Variants in KIF4B observed in about 807,000 individuals in gnomAD.
KIF4B encodes the protein kinesin family member 4B.
KIF4B carries 60 observed loss-of-function variants against 69.0 expected under a neutral mutation model. That is an observed-to-expected ratio of 0.87 (90% CI 0.71 to 1.08). The LOEUF (loss-of-function observed/expected upper bound fraction) is 1.08, where lower values mean the gene tolerates loss of function less well. Among genes scored for constraint, KIF4B ranks in the 50% least tolerant of loss-of-function variants. The probability of loss-of-function intolerance (pLI) is 0.00; values close to 1 mark genes in which losing one functional copy is unlikely to be tolerated. For synonymous variants in KIF4B, 489 were observed against 533.0 expected, an observed-to-expected ratio of 0.92 and a Z score of 1.14; for missense variants, 1,357 against 1,451.9, an observed-to-expected ratio of 0.93 and a Z score of 1.06.
Position 155,017,247 on chromosome 5 carries a change from G to A in KIF4B, c.3388G>A (p.Gly1130Ser). 1 of 1,614,162 alleles carries A rather than the reference G, an allele frequency of 6.2e-7. No individual in the cohort carries two copies. Among genetic ancestry groups the A allele is most frequent in the Non-Finnish European group, 8.5e-7 (1 of 1,180,028 alleles). The change falls in exon 1 of 1, where the codon GGC becomes AGC. Residue 1130 changes from glycine (G) to serine (S), a missense_variant. Gly to Ser is a moderately conservative substitution (Grantham distance 56). Transcript: ENST00000435029. ...CCGCCAGCAAGGCAAGGATAGCTTG[G>A]GCACTGTTGAACAGACCCAGGATTC... ...RNRQQGKDSL[G>S]TVEQTQDSEG...
Position 155,017,460 on chromosome 5 carries a change from G to A in KIF4B, c.3601G>A (p.Glu1201Lys). The A allele has an allele frequency of 6.2e-7, 1 of 1,614,134 alleles. No homozygotes were observed. Among genetic ancestry groups the A allele is most frequent in the Non-Finnish European group, 8.5e-7 (1 of 1,180,014 alleles). The change falls in exon 1 of 1, where the codon GAA (glutamate) becomes AAA (lysine). Residue 1201 changes from glutamate to lysine, a missense_variant. Transcript: ENST00000435029. ...CCCAGAGTCGAAACATGGAGCAACA[G>A]AATACCAACAAAATAAGCCTCCAGG... ...DLPESKHGAT[E>K]YQQNKPPGKK...
rs753391654 is a variant in KIF4B, at chr5:155,014,626, G to C, written c.767G>C (p.Arg256Pro). Residue 256 changes from arginine to proline, a missense_variant, in exon 1 of 1, where the codon CGT becomes CCT. By Grantham distance (103) the Arg-to-Pro change is moderately radical. Transcript: ENST00000435029. ...RQKKTKAEGD[R>P]LKEGININRG... is the part of the protein sequence containing the mutation. ...AAGAAAACCAAGGCTGAAGGGGATC[G>C]TCTAAAAGAGGGTATTAATATTAAC... The C allele has an allele frequency of 1.9e-6, 3 of 1,614,152 alleles. No individual in the cohort carries two copies. Among genetic ancestry groups the C allele is most frequent in the Non-Finnish European group, 2.5e-6 (3 of 1,180,032 alleles).
chr5:155,015,410 C>T lies in KIF4B; in HGVS notation c.1551C>T (p.Leu517=). ...ACGCTTTTACCACTCAGCATGCTCT[C>T]CATCAAGCTCAGATGTCTAAGGAGG... ...SSDAFTTQHA[L]HQAQMSKEVV... The change falls in exon 1 of 1, where the codon CTC becomes CTT. Residue 517 remains leucine, a synonymous_variant. Coordinates refer to ENST00000435029, the MANE Select transcript of KIF4B (RefSeq NM_001099293.3). The T allele has an allele frequency of 6.2e-7, 1 of 1,614,190 alleles. No individual in the cohort carries two copies. Among genetic ancestry groups the T allele is most frequent in the South Asian group, 1.1e-5 (1 of 91,080 alleles).
At position 155,017,588 on chromosome 5, in the gene KIF4B, C is replaced by G. The variant is rs552741840; in HGVS notation, c.*24C>G. The G allele has an allele frequency of 2.0e-5, 32 of 1,601,346 alleles. 1 individual carries two copies. In the South Asian group the frequency reaches 2.8e-4, roughly 14 times the overall value. On this transcript the variant is annotated 3_prime_UTR_variant, in exon 1 of 1. Transcript: ENST00000435029. ...GAAGTTGGAGTCATCATCTCTACCC[C>G]CAATCTGGCTTGGGAGATGCTTTCC... is the stretch of plus-strand genomic sequence containing the variant.
At position 155,016,318 on chromosome 5, in the gene KIF4B, T is replaced by C. The variant is rs1329906341; in HGVS notation, c.2459T>C (p.Ile820Thr). The change falls in exon 1 of 1, where the codon ATT (isoleucine) becomes ACT (threonine). Residue 820 changes from isoleucine to threonine, a missense_variant. Physicochemically the swap from Ile to Thr is moderately conservative, Grantham distance 89 (BLOSUM62 -1). Coordinates refer to ENST00000435029, the MANE Select transcript of KIF4B (RefSeq NM_001099293.3). ...LESEDCITKQ[I>T]ESLETEMELR... The stretch of plus-strand genomic sequence containing the variant: ...TCAGAAGATTGTATTACAAAACAGA[T>C]TGAAAGCCTAGAGACTGAAATGGAA... The C allele has an allele frequency of 3.1e-6, 5 of 1,614,142 alleles. No homozygotes were observed. The highest frequency in any genetic ancestry group is 1.7e-6 in the Non-Finnish European group (2 of 1,180,014).
In KIF4B at chr5:155,016,131, G is replaced by T. The variant is rs748797878; in HGVS notation, c.2272G>T (p.Glu758Ter). ...GNEIEVMVST[E>*]EAKRHLNDLL... ...TGAAATTGAGGTTATGGTCAGTACTGAGGAAGCCAAACGCCATCTGAATGA... is the reference window on the plus strand; with the variant it reads ...TGAAATTGAGGTTATGGTCAGTACTTAGGAAGCCAAACGCCATCTGAATGA... The change falls in exon 1 of 1, where the codon GAG becomes TAG. Residue 758 changes from glutamate (E) to a stop codon, truncating the protein, a stop_gained. Transcript: ENST00000435029. LOFTEE classifies it high-confidence loss of function. 1 of 1,614,212 alleles carries T rather than the reference G, an allele frequency of 6.2e-7. No individual in the cohort carries two copies. The highest frequency in any genetic ancestry group is 1.3e-5 in the African/African-American group (1 of 75,052).
In KIF4B at chr5:155,016,550, C is replaced by CAGAGCAA. The variant is rs367797400; in HGVS notation, c.2692_2693insGAGCAAA (p.Met898ArgfsTer9). ...GACAGAGCAAGGCCAGCTGTGCTGA[C>CAGAGCAA]ATGCAGAAGATGCTATTTGAGGAAC... On this transcript the variant is annotated frameshift_variant, in exon 1 of 1. Coordinates refer to ENST00000435029, the MANE Select transcript of KIF4B (RefSeq NM_001099293.3). LOFTEE classifies it high-confidence loss of function. 42 of 1,614,064 alleles carry CAGAGCAA rather than the reference C, an allele frequency of 2.6e-5. No individual in the cohort carries two copies. In the African/African-American group the frequency reaches 4.4e-4, roughly 17 times the overall value.
rs1294789419 is a variant in KIF4B at position 155,015,896 on chromosome 5, C to A, written c.2037C>A (p.Asp679Glu). 6.2e-7 allele frequency: 1 copy of A among 1,614,190 alleles called. No homozygotes were observed. The highest frequency in any genetic ancestry group is 2.2e-5 in the East Asian group (1 of 44,884). The change falls in exon 1 of 1, where the codon GAC becomes GAA. Residue 679 changes from aspartate (D) to glutamate (E), a missense_variant. Transcript: ENST00000435029. Reference sequence around the variant, plus strand: ...AAGTAATACAGTTGAAAGAACGAGACCGTAAGAGGCAATATGAGCTGCTCA... The same window carrying A: ...AAGTAATACAGTTGAAAGAACGAGAACGTAAGAGGCAATATGAGCTGCTCA... ...DKEVIQLKER[D>E]RKRQYELLKL...
In KIF4B at chr5:155,016,002, A is replaced by G; in HGVS notation, c.2143A>G (p.Lys715Glu). The change falls in exon 1 of 1, where the codon AAG becomes GAG. Residue 715 changes from lysine (K) to glutamate (E), a missense_variant. Physicochemically the swap from Lys to Glu is moderately conservative, Grantham distance 56 (BLOSUM62 1). Transcript: ENST00000435029. ...EEAAAANKRL[K>E]DALQKQREVT... Reference sequence around the variant, plus strand: ...GGCAGCAGCTGCCAACAAGCGACTCAAGGATGCTCTCCAGAAACAACGAGA... The same window carrying G: ...GGCAGCAGCTGCCAACAAGCGACTCGAGGATGCTCTCCAGAAACAACGAGA... The G allele has an allele frequency of 6.2e-7, 1 of 1,614,238 alleles. No individual in the cohort carries two copies. The highest frequency in any genetic ancestry group is 1.3e-5 in the African/African-American group (1 of 75,062).
At position 155,015,178 on chromosome 5, in the gene KIF4B, A is replaced by C; in HGVS notation, c.1319A>C (p.His440Pro). The C allele has an allele frequency of 1.9e-6, 3 of 1,614,250 alleles. No individual in the cohort carries two copies. Among genetic ancestry groups the C allele is most frequent in the East Asian group, 2.2e-5 (1 of 44,882 alleles). The change falls in exon 1 of 1, where the codon CAT becomes CCT. Residue 440 changes from histidine (H) to proline (P), a missense_variant. Coordinates refer to ENST00000435029, the MANE Select transcript of KIF4B (RefSeq NM_001099293.3). ...LNAKLEELRQ[H>P]VACKLDLQKL... Reference sequence around the variant, plus strand: ...GCCAAGCTAGAAGAGCTCAGGCAGCATGTGGCCTGCAAGCTGGATCTTCAA... The same window carrying C: ...GCCAAGCTAGAAGAGCTCAGGCAGCCTGTGGCCTGCAAGCTGGATCTTCAA...
rs1765354375 is a variant in KIF4B at position 155,017,673 on chromosome 5, GA to G, written c.*116del. 2.0e-5 allele frequency: 29 copies of G among 1,457,182 alleles called. No individual in the cohort carries two copies. The highest frequency in any genetic ancestry group is 2.1e-5 in the Non-Finnish European group (23 of 1,103,952). 90.3% of individuals were successfully genotyped at this position (1,457,182 alleles called of 1,614,324 possible). The stretch of plus-strand genomic sequence containing the variant: ...TCTGGATTTCAGGTTTCTTGCCGTT[GA>G]AAAAAAGGAACAAAGCATTACTAAA... On this transcript the variant is annotated 3_prime_UTR_variant, in exon 1 of 1. Transcript: ENST00000435029.
rs1352558181 is a variant in KIF4B at position 155,016,138 on chromosome 5, C to G, written c.2279C>G (p.Ala760Gly). Residue 760 changes from alanine to glycine, a missense_variant, in exon 1 of 1, where the codon GCC (alanine) becomes GGC (glycine). Physicochemically the swap from Ala to Gly is moderately conservative, Grantham distance 60 (BLOSUM62 0). Transcript: ENST00000435029. ...EIEVMVSTEE[A>G]KRHLNDLLED... Reference sequence around the variant, plus strand: ...GAGGTTATGGTCAGTACTGAGGAAGCCAAACGCCATCTGAATGACCTCCTT... The same window carrying G: ...GAGGTTATGGTCAGTACTGAGGAAGGCAAACGCCATCTGAATGACCTCCTT... The G allele has an allele frequency of 1.2e-6, 2 of 1,614,100 alleles. No individual in the cohort carries two copies. The highest frequency in any genetic ancestry group is 4.5e-5 in the East Asian group (2 of 44,870).
chr5:155,015,486 A>G lies in KIF4B; in HGVS notation c.1627A>G (p.Met543Val), dbSNP rs201815086. The change falls in exon 1 of 1, where the codon ATG (methionine) becomes GTG (valine). Residue 543 changes from methionine to valine, a missense_variant. Transcript: ENST00000435029. ...ACTGAAAGAGGCCCTAGTTAGGAAG[A>G]TGACTCAGAACGACAACCAACTACA... Reference protein sequence around the residue: ...LALKEALVRKMTQNDNQLQPI... With the variant: ...LALKEALVRKVTQNDNQLQPI... 1.9e-6 allele frequency: 3 copies of G among 1,614,218 alleles called. No homozygotes were observed. In the African/African-American group the frequency reaches 4.0e-5, roughly 22 times the overall value.
rs375631079 is a variant in KIF4B at position 155,015,310 on chromosome 5, C to T, written c.1451C>T (p.Thr484Met). 89 of 1,614,192 alleles carry T rather than the reference C, an allele frequency of 5.5e-5. No homozygotes were observed. Among genetic ancestry groups the T allele is most frequent in the Non-Finnish European group, 6.9e-5 (82 of 1,180,040 alleles). The change falls in exon 1 of 1, where the codon ACG (threonine) becomes ATG (methionine). Residue 484 changes from threonine (T) to methionine (M), a missense_variant. Thr to Met is a moderately conservative substitution (Grantham distance 81). Transcript: ENST00000435029. ...TQLSDETVACTAAAIDTAVEE... is the reference protein window; with the variant it reads ...TQLSDETVACMAAAIDTAVEE... ...TTATCAGATGAAACTGTTGCTTGCA[C>T]GGCTGCAGCCATTGATACTGCGGTA...
chr5:155,017,410 C>G lies in KIF4B; in HGVS notation c.3551C>G (p.Ala1184Gly), dbSNP rs753347640. The part of the protein sequence containing the change: ...DMEQVLSKKT[A>G]PAPSPFDLPE... ...GAGCAGGTGCTGTCAAAGAAGACTGCTCCAGCTCCCTCCCCTTTTGACCTC... is the reference window on the plus strand; with the variant it reads ...GAGCAGGTGCTGTCAAAGAAGACTGGTCCAGCTCCCTCCCCTTTTGACCTC... Residue 1184 changes from alanine to glycine, a missense_variant, in exon 1 of 1, where the codon GCT becomes GGT. Physicochemically the swap from Ala to Gly is moderately conservative, Grantham distance 60. Coordinates refer to ENST00000435029, the MANE Select transcript of KIF4B (RefSeq NM_001099293.3). The G allele has an allele frequency of 6.2e-7, 1 of 1,614,172 alleles. No homozygotes were observed. The highest frequency in any genetic ancestry group is 1.1e-5 in the South Asian group (1 of 91,072).
At position 155,015,530 on chromosome 5, in the gene KIF4B, C is replaced by G. The variant is rs746051747; in HGVS notation, c.1671C>G (p.Tyr557Ter). The G allele has an allele frequency of 6.2e-7, 1 of 1,614,094 alleles. No homozygotes were observed. Among genetic ancestry groups the G allele is most frequent in the South Asian group, 1.1e-5 (1 of 91,080 alleles). The part of the protein sequence containing the change: ...DNQLQPIQFQ[Y>*]QDNIKNLELE... ...AACTACAGCCCATTCAGTTTCAATA[C>G]CAGGATAACATAAAAAATCTAGAAT... Residue 557 changes from tyrosine (Y) to a stop codon, truncating the protein, a stop_gained, in exon 1 of 1, where the codon TAC (tyrosine) becomes TAG (stop). Transcript: ENST00000435029. LOFTEE classifies it high-confidence loss of function.
Position 155,015,025 on chromosome 5 carries a change from T to G in KIF4B, c.1166T>G (p.Met389Arg), listed in dbSNP as rs1165426464. Residue 389 changes from methionine to arginine, a missense_variant, in exon 1 of 1, where the codon ATG becomes AGG. Transcript: ENST00000435029. ...AEPSENLQSL[M>R]EKNQSLVEEN... ...CCATCAGAGAATCTACAATCCCTGA[T>G]GGAGAAGAATCAGTCCCTGGTAGAG... is the stretch of plus-strand genomic sequence containing the variant. 3 of 1,614,158 alleles carry G rather than the reference T, an allele frequency of 1.9e-6. No individual in the cohort carries two copies. Among genetic ancestry groups the G allele is most frequent in the Admixed American group, 1.7e-5 (1 of 60,030 alleles).
chr5:155,016,787 G>T lies in KIF4B; in HGVS notation c.2928G>T (p.Val976=). ...QDEELEKMRE[V]CEQNQQLLQE... is the part of the protein sequence containing the mutation. ...AAGAACTTGAGAAGATGCGAGAAGT[G>T]TGTGAGCAAAATCAGCAGCTTCTCC... Residue 976 remains valine (V), a synonymous_variant, in exon 1 of 1, where the codon GTG becomes GTT. Coordinates refer to ENST00000435029, the MANE Select transcript of KIF4B (RefSeq NM_001099293.3). 5 of 1,614,200 alleles carry T rather than the reference G, an allele frequency of 3.1e-6. No homozygotes were observed. Among genetic ancestry groups the T allele is most frequent in the Non-Finnish European group, 4.2e-6 (5 of 1,180,054 alleles).
rs922865422 is a variant in KIF4B at position 155,015,581 on chromosome 5, A to G, written c.1722A>G (p.Glu574=). 5.0e-6 allele frequency: 8 copies of G among 1,614,126 alleles called. No individual in the cohort carries two copies. Among genetic ancestry groups the G allele is most frequent in the Non-Finnish European group, 5.9e-6 (7 of 1,180,058 alleles). Residue 574 remains glutamate, a synonymous_variant, in exon 1 of 1, where the codon GAA becomes GAG. Transcript: ENST00000435029. Reference sequence around the variant, plus strand: ...TAGAAGTCATCAATCTGCAAAAGGAAAAGGAAGAATTGGTTCGTGAACTTC... The same window carrying G: ...TAGAAGTCATCAATCTGCAAAAGGAGAAGGAAGAATTGGTTCGTGAACTTC... ...LELEVINLQK[E]KEELVRELQT... is the part of the protein sequence containing the mutation.
Sources: allele counts gnomAD v4.1 joint callset, GRCh38; gene constraint gnomAD v4.1.1; transcripts MANE v1.5; gene names NCBI Gene and HGNC (gene_info 2026-07-23, HGNC 2026-07-21).